Variants in SGCZ observed in about 807,000 individuals in gnomAD.
SGCZ encodes the protein sarcoglycan zeta.
A neutral mutation model predicts 41.3 loss-of-function variants in SGCZ; 40 were observed. That is an observed-to-expected ratio of 0.97 (90% CI 0.75 to 1.26). SGCZ has a LOEUF of 1.26. Ranked by LOEUF, SGCZ falls within the 50% of genes most tolerant of loss-of-function variation. The probability of loss-of-function intolerance (pLI) is 0.00; values close to 1 mark genes in which losing one functional copy is unlikely to be tolerated. For synonymous variants in SGCZ, 206 were observed against 137.5 expected (o/e 1.50, Z -3.49); for missense variants, 552 against 369.8 (o/e 1.49, Z -4.04).
rs1027430568 is a variant in SGCZ, at chr8:15,141,212, T to C, written c.39+96373A>G. 3.5e-4 allele frequency among the ~76,000 whole-genome samples: 54 copies of C among 152,380 alleles called. 1 individual carries two copies. The highest frequency in any genetic ancestry group is 1.2e-3 in the African/African-American group (52 of 41,608). On this transcript the variant is annotated intron_variant, in intron 1 of 7. Transcript: ENST00000382080. ...TTCAATGCAGTTGAGTAACTTGTCTTTCCCACACAACCCACATAATACCAG... is the reference window on the plus strand; with the variant it reads ...TTCAATGCAGTTGAGTAACTTGTCTCTCCCACACAACCCACATAATACCAG...
chr8:15,160,886 G>A (rs1304622468), intron 1 of SGCZ, among the ~76,000 whole-genome samples: 2 of 152,022 alleles, frequency 1.3e-5, no homozygotes, highest in African/African-American at 4.8e-5. Flanking sequence ...AGACAGTCTT[G>A]CTTTGTCACC....
Position 14,807,177 on chromosome 8 carries a change from G to A in SGCZ, c.40-252251C>T, listed in dbSNP as rs1407672642. Among the ~76,000 whole-genome samples, 8 of 152,004 alleles carry A rather than the reference G, an allele frequency of 5.3e-5. No homozygotes were observed. In the South Asian group the frequency reaches 6.2e-4, roughly 12 times the overall value. The stretch of plus-strand genomic sequence containing the variant: ...CCCTTTGAAAACTGGCACAAGACAC[G>A]GATGCCCTCTCTCACCACTCCTATT... On this transcript the variant is annotated intron_variant, in intron 1 of 7. Transcript: ENST00000382080.
intron 2 of SGCZ, among the ~76,000 whole-genome samples, chr8:14,433,548 T>G (rs1017990418): frequency 6.6e-6 from 1 of 152,164 alleles, no homozygotes; most frequent in African/African-American, 2.4e-5. Context: ...CAAAATGAGT[T>G]GACCAAGGCC....
chr8:14,463,421 A>C (rs993849914), intron 2 of SGCZ, among the ~76,000 whole-genome samples: 16 of 144,802 alleles, frequency 1.1e-4, no homozygotes, highest in Admixed American at 2.1e-4. Flanking sequence ...AAAAAAAAAA[A>C]CCCTGGATAT....
At chr8:14,432,598 C>A (rs943273705) in intron 2 of SGCZ, among the ~76,000 whole-genome samples, 3 of 151,982 alleles carry the variant, frequency 2.0e-5, no homozygotes, top group Non-Finnish European at 4.4e-5. Context: ...GATGGGTGCA[C>A]CAAAATCTCA....
At chr8:14,266,410 G>T (rs1799868059) in intron 3 of SGCZ, among the ~76,000 whole-genome samples, 1 of 151,934 alleles carries the variant, frequency 6.6e-6, no homozygotes, top group Non-Finnish European at 1.5e-5. Flanking sequence ...CACCTAATAT[G>T]AACAGGCATA....
At chr8:15,180,017 A>AT (rs1380554400) in intron 1 of SGCZ, among the ~76,000 whole-genome samples, 1 of 152,182 alleles carries the variant, frequency 6.6e-6, no homozygotes, top group Non-Finnish European at 1.5e-5. Context: ...TTATATGCAC[A>AT]TTTTTACTAT....
At chr8:14,870,498 G>C (rs1190704091) in intron 1 of SGCZ, among the ~76,000 whole-genome samples, 2 of 152,096 alleles carry the variant, frequency 1.3e-5, no homozygotes, top group African/African-American at 4.8e-5. Context: ...AGAAAACCAA[G>C]GCAATACCAT....
intron 1 of SGCZ, among the ~76,000 whole-genome samples, chr8:14,633,352 GC>G (rs1806720568): frequency 6.6e-6 from 1 of 151,870 alleles, no homozygotes; most frequent in African/African-American, 2.4e-5. Flanking sequence ...GTCACTTGCT[GC>G]CCTGATGAAA....
chr8:14,463,934 T>C (rs561707033), intron 2 of SGCZ, among the ~76,000 whole-genome samples: 1 of 151,586 alleles, frequency 6.6e-6, no homozygotes, highest in Non-Finnish European at 1.5e-5. Flanking sequence ...GATTGACTTT[T>C]ATGTGTTGAA....
chr8:14,307,061 A>T (rs1365655), intron 3 of SGCZ, among the ~76,000 whole-genome samples: 1 of 151,998 alleles, frequency 6.6e-6, no homozygotes, highest in Admixed American at 6.6e-5. Context: ...AGAGAAAATG[A>T]ATTTAACAAA....
intron 3 of SGCZ, among the ~76,000 whole-genome samples, chr8:14,277,019 T>C (rs1800259422): frequency 6.6e-6 from 1 of 152,192 alleles, no homozygotes; most frequent in Admixed American, 6.5e-5. Flanking sequence ...TGTACTTTCA[T>C]TTTCAATAAA....
chr8:14,190,967 T>C (rs888843140), intron 4 of SGCZ, among the ~76,000 whole-genome samples: 1 of 152,164 alleles, frequency 6.6e-6, no homozygotes, highest in Non-Finnish European at 1.5e-5. Context: ...CCACCAAAAG[T>C]GTACAAGGAT....
At chr8:14,158,609 G>T (rs1225451763) in intron 5 of SGCZ, among the ~76,000 whole-genome samples, 1 of 152,112 alleles carries the variant, frequency 6.6e-6, no homozygotes, top group East Asian at 1.9e-4. Flanking sequence ...GCCATGAGAG[G>T]AATTTGACTT....
chr8:14,415,133 A>G (rs1799460610), intron 2 of SGCZ, among the ~76,000 whole-genome samples: 1 of 151,934 alleles, frequency 6.6e-6, no homozygotes, highest in Non-Finnish European at 1.5e-5. Flanking sequence ...TTTCAAAGAA[A>G]TACCCCTTGA....
chr8:15,050,513 C>A (rs1804473173), intron 1 of SGCZ, among the ~76,000 whole-genome samples: 1 of 152,140 alleles, frequency 6.6e-6, no homozygotes, highest in Admixed American at 6.5e-5. Context: ...GCAAAGAAGA[C>A]AACATGTGAC....
intron 2 of SGCZ, among the ~76,000 whole-genome samples, chr8:14,376,040 G>A (rs903505146): frequency 1.6e-4 from 25 of 152,206 alleles, no homozygotes; most frequent in Non-Finnish European, 8.8e-5. Flanking sequence ...AAAGCCAGGC[G>A]AGGTGGCTCA....
intron 1 of SGCZ, among the ~76,000 whole-genome samples, chr8:14,842,970 T>C (rs1452122471): frequency 6.6e-6 from 1 of 152,200 alleles, no homozygotes; most frequent in East Asian, 1.9e-4. Flanking sequence ...CCCAGCACTC[T>C]GGGAGGCCAA....
chr8:14,847,958 T>C (rs1803192086), intron 1 of SGCZ, among the ~76,000 whole-genome samples: 1 of 152,118 alleles, frequency 6.6e-6, no homozygotes, highest in African/African-American at 2.4e-5. Context: ...GATGTCATTA[T>C]TCATAGACAA....
Sources: gnomAD v4.1 joint callset for allele counts (sites outside exome capture counted in the v4.1 genomes callset) on GRCh38, gnomAD v4.1.1 for gene constraint, MANE v1.5 for transcripts, NCBI Gene and HGNC (gene_info 2026-07-23, HGNC 2026-07-21) for gene names.